The following RBFOX1 variants were observed in gnomAD, a reference collection of about 807,000 sequenced individuals.
RBFOX1 encodes the protein RNA binding fox-1 homolog 1, also known as RNA binding protein fox-1 homolog 1.
Under a neutral mutation model 57.7 loss-of-function variants are expected in RBFOX1, and 8 were observed. That is an observed-to-expected ratio of 0.14 (90% confidence interval 0.08 to 0.25). The LOEUF is 0.25. RBFOX1 is among the 10% of genes least tolerant of loss of function. The probability of loss-of-function intolerance (pLI) is 1.00; values close to 1 mark genes in which losing one functional copy is unlikely to be tolerated. For missense variants in RBFOX1, 611 were observed against 548.5 expected (o/e 1.11, Z -1.14); for synonymous variants, 326 against 222.4 (o/e 1.47, Z -4.15).
At chr16:6,578,612 T>TGTGTGTGG (rs373655762) in intron 2 of RBFOX1, among the ~76,000 whole-genome samples, 3 of 147,002 alleles carry the variant, frequency 2.0e-5, no homozygotes, top group East Asian at 4.0e-4. Flanking sequence ...TGTGTGTGTG[T>TGTGTGTGG]GAGCATGGGA....
At chr16:6,548,830 C>G (rs2096930918) in intron 2 of RBFOX1, among the ~76,000 whole-genome samples, 1 of 151,944 alleles carries the variant, frequency 6.6e-6, no homozygotes, top group Non-Finnish European at 1.5e-5. Context: ...AATCCTAGCA[C>G]TTTGGGAGGC....
At chr16:6,947,079 C>A (rs1168824410) in intron 3 of RBFOX1, among the ~76,000 whole-genome samples, 1 of 152,122 alleles carries the variant, frequency 6.6e-6, no homozygotes, top group East Asian at 1.9e-4. Flanking sequence ...TGTGCTTTCT[C>A]AGAGAATAGT....
At chr16:6,870,984 C>T (rs1300594497) in intron 3 of RBFOX1, among the ~76,000 whole-genome samples, 1 of 152,170 alleles carries the variant, frequency 6.6e-6, no homozygotes, top group African/African-American at 2.4e-5. Flanking sequence ...GTGGATGAAG[C>T]CCACTATCCA....
chr16:5,921,832 A>C (rs1216240412), intron 4 of RBFOX1, among the ~76,000 whole-genome samples: 1 of 151,866 alleles, frequency 6.6e-6, no homozygotes, highest in Non-Finnish European at 1.5e-5. Context: ...AAGAGAGAGC[A>C]AGAGGGGGAG....
rs116578345 is a variant in RBFOX1 at position 6,143,047 on chromosome 16, G to A, written c.-127+123055G>A. On this transcript the variant is annotated intron_variant, in intron 1 of 15. Transcript: ENST00000550418. The stretch of plus-strand genomic sequence containing the variant: ...TTGGTAGATATTTAATATTTGTTAA[G>A]TGCATGAGTTCATGAAATAAATATT... 6.1e-3 allele frequency among the ~76,000 whole-genome samples: 933 copies of A among 152,252 alleles called. 10 individuals are homozygous for A. Among genetic ancestry groups the A allele is most frequent in the African/African-American group, 0.021 (877 of 41,540 alleles).
chr16:5,494,460 G>C (rs2042935663), intron 2 of RBFOX1, among the ~76,000 whole-genome samples: 1 of 152,184 alleles, frequency 6.6e-6, no homozygotes, highest in African/African-American at 2.4e-5. Flanking sequence ...GAATTACTCT[G>C]GGGGCATTGA....
At position 7,683,246 on chromosome 16, in the gene RBFOX1, C is replaced by T. The variant is rs926431063; in HGVS notation, c.995+6408C>T. ...ATTGGGTTTATGCATGTCAAGCTCT[C>T]AGTACTGAGAAGTAATATGGCTGTA... On this transcript the variant is annotated intron_variant, in intron 14 of 15. Coordinates refer to ENST00000550418, the MANE Select transcript of RBFOX1 (RefSeq NM_018723.4). Among the ~76,000 whole-genome samples, 3 of 150,276 alleles carry T rather than the reference C, an allele frequency of 2.0e-5. No individual in the cohort carries two copies. The East Asian group carries it at 6.1e-4, about 30-fold the overall frequency.
At chr16:5,483,814 G>A (rs879078636) in intron 2 of RBFOX1, among the ~76,000 whole-genome samples, 3 of 152,022 alleles carry the variant, frequency 2.0e-5, no homozygotes, top group East Asian at 1.9e-4. Context: ...TCTCTGTGTC[G>A]GCATTTGTGC....
chr16:5,273,719 C>T (rs1338510704), intron 1 of RBFOX1, among the ~76,000 whole-genome samples: 2 of 151,996 alleles, frequency 1.3e-5, no homozygotes, highest in Non-Finnish European at 2.9e-5. Flanking sequence ...GTCTGTGGGT[C>T]AGTGGAATGA....
chr16:5,347,585 TACCCACCCATCC>T (rs2065168293), intron 1 of RBFOX1, among the ~76,000 whole-genome samples: 1 of 151,862 alleles, frequency 6.6e-6, no homozygotes, highest in African/African-American at 2.4e-5. Context: ...TCTGTCCGTC[TACCCACCCATCC>T]ACCCACCCAT....
At chr16:5,596,178 G>T (rs1003602334) in intron 2 of RBFOX1, among the ~76,000 whole-genome samples, 1 of 152,124 alleles carries the variant, frequency 6.6e-6, no homozygotes, top group Non-Finnish European at 1.5e-5. Context: ...AGGGGCAGCT[G>T]GATAGGAATT....
chr16:7,709,983 A>C, intron 15 of RBFOX1: 2 of 1,009,282 alleles, frequency 2.0e-6, no homozygotes, highest in Non-Finnish European at 2.4e-6. Context: ...CAATACTTTT[A>C]GAAAAAGGAA....
intron 2 of RBFOX1, among the ~76,000 whole-genome samples, chr16:6,478,811 T>C (rs1163675631): frequency 6.6e-6 from 1 of 152,128 alleles, no homozygotes; most frequent in Non-Finnish European, 1.5e-5. Context: ...CCATCTTATA[T>C]GGGCACAGTT....
At chr16:5,860,796 C>T (rs1259073767) in intron 3 of RBFOX1, among the ~76,000 whole-genome samples, 1 of 152,154 alleles carries the variant, frequency 6.6e-6, no homozygotes, top group African/African-American at 2.4e-5. Flanking sequence ...AAAAGCCAAG[C>T]TCCAGGGCTC....
intron 14 of RBFOX1, among the ~76,000 whole-genome samples, chr16:7,687,978 C>T (rs1048869149): frequency 1.3e-5 from 2 of 151,972 alleles, no homozygotes; most frequent in African/African-American, 4.8e-5. Context: ...GGGTGTGGGC[C>T]TGGTCATTGG....
intron 1 of RBFOX1, among the ~76,000 whole-genome samples, chr16:6,233,766 G>GC (rs1481646475): frequency 6.6e-6 from 1 of 151,964 alleles, no homozygotes; most frequent in African/African-American, 2.4e-5. Flanking sequence ...GAGCCACCAT[G>GC]CCCATCCCAA....
intron 4 of RBFOX1, among the ~76,000 whole-genome samples, chr16:7,384,397 C>T (rs985994617): frequency 6.6e-6 from 1 of 152,120 alleles, no homozygotes; most frequent in Non-Finnish European, 1.5e-5. Flanking sequence ...TATACCATTA[C>T]AAAAACATGG....
At chr16:6,863,725 C>CTTTTTTTTTTTT (rs71408412) in intron 3 of RBFOX1, among the ~76,000 whole-genome samples, 1,392 of 67,650 alleles carry the variant, frequency 0.021, 153 homozygotes, top group Middle Eastern at 0.05. Flanking sequence ...GATGCCTGCG[C>CTTTTTTTTTTTT]TTTTTTTTTT....
chr16:7,369,556 A>C (rs1014060945), intron 4 of RBFOX1, among the ~76,000 whole-genome samples: 6 of 152,218 alleles, frequency 3.9e-5, no homozygotes, highest in African/African-American at 1.2e-4. Flanking sequence ...TGAATCATTT[A>C]CATAATTAAC....
Sources: gnomAD v4.1 joint callset for allele counts (sites outside exome capture counted in the v4.1 genomes callset) on GRCh38, gnomAD v4.1.1 for gene constraint, MANE v1.5 for transcripts, NCBI Gene and HGNC (gene_info 2026-07-23, HGNC 2026-07-21) for gene names.